The following LIMCH1 variants were observed in gnomAD, a reference collection of about 807,000 sequenced individuals.
LIMCH1 encodes the protein LIM and calponin homology domains 1.
Under a neutral mutation model 176.5 loss-of-function variants are expected in LIMCH1, and 113 were observed. The ratio of observed to expected loss-of-function variants is 0.64; its 90% CI spans 0.55 to 0.75. The LOEUF is 0.75. LIMCH1 is among the 30% of genes least tolerant of loss of function. The probability of loss-of-function intolerance (pLI) is 0.00; values close to 1 mark genes in which losing one functional copy is unlikely to be tolerated. For synonymous variants in LIMCH1, 619 were observed against 645.9 expected (o/e 0.96, Z 0.63); for missense variants, 1,674 against 1,814.9 (o/e 0.92, Z 1.41).
At chr4:41,624,087 C>T (rs1048162539) in intron 7 of LIMCH1, among the ~76,000 whole-genome samples, 3 of 152,142 alleles carry the variant, frequency 2.0e-5, no homozygotes, top group African/African-American at 4.8e-5. Context: ...AGATGCACTT[C>T]CCCTGAATTA....
chr4:41,516,012 A>T (rs979403685), intron 2 of LIMCH1, among the ~76,000 whole-genome samples: 2 of 152,230 alleles, frequency 1.3e-5, no homozygotes, highest in Admixed American at 1.3e-4. Flanking sequence ...TAGCACAATG[A>T]TGATTGCATG....
chr4:41,531,522 A>ACACACC (rs1230668145), intron 3 of LIMCH1, among the ~76,000 whole-genome samples: 17 of 145,648 alleles, frequency 1.2e-4, no homozygotes, highest in African/African-American at 4.5e-4. Context: ...ACACATACAC[A>ACACACC]CCTTATACTT....
At chr4:41,384,261 GTGGTGCGATCTCGGCT>G (rs1484305368) in intron 1 of LIMCH1, among the ~76,000 whole-genome samples, 1 of 151,904 alleles carries the variant, frequency 6.6e-6, no homozygotes, top group Admixed American at 6.6e-5. Context: ...CTGGAGTGCA[GTGGTGCGATCTCGGCT>G]CACTACAAGC....
intron 7 of LIMCH1, 134 bp downstream of exon 7, chr4:41,620,824 T>A: frequency 9.9e-7 from 1 of 1,014,360 alleles, no homozygotes; most frequent in Non-Finnish European, 1.4e-6. Flanking sequence ...TTCCCTGCTC[T>A]GAGCACGTAG....
intron 1 of LIMCH1, among the ~76,000 whole-genome samples, chr4:41,566,800 A>G (rs1006558617): frequency 2.0e-5 from 3 of 152,256 alleles, no homozygotes; most frequent in African/African-American, 7.2e-5. Context: ...AGCTGGGAAT[A>G]AACTTAAAAA....
chr4:41,611,525 C>A (rs1027168399), intron 4 of LIMCH1, among the ~76,000 whole-genome samples: 1 of 152,162 alleles, frequency 6.6e-6, no homozygotes, highest in Non-Finnish European at 1.5e-5. Context: ...CAAAGATGAT[C>A]AAATATTTTC....
intron 31 of LIMCH1, chr4:41,693,033 T>C (rs2153090701): frequency 6.6e-6 from 1 of 152,316 alleles, no homozygotes; most frequent in East Asian, 1.9e-4. Context: ...GGAAGGTGCA[T>C]GTTAGTTTGC....
At chr4:41,662,502 T>G (rs1452884055) in intron 19 of LIMCH1, among the ~76,000 whole-genome samples, 1 of 152,222 alleles carries the variant, frequency 6.6e-6, no homozygotes, top group Non-Finnish European at 1.5e-5. Context: ...CCAGCTGTCA[T>G]AATTATATAT....
At chr4:41,611,889 G>C (rs147181815) in intron 4 of LIMCH1, among the ~76,000 whole-genome samples, 3 of 152,268 alleles carry the variant, frequency 2.0e-5, no homozygotes, top group Admixed American at 2.0e-4. Context: ...AATTTTCAGT[G>C]AGTCATGAGT....
At chr4:41,532,566 A>C (rs181148046) in intron 3 of LIMCH1, among the ~76,000 whole-genome samples, 15 of 152,366 alleles carry the variant, frequency 9.8e-5, no homozygotes, top group African/African-American at 3.6e-4. Context: ...GAATACAGTG[A>C]TAAAAGTGTG....
At chr4:41,527,650 C>T (rs1239544716) in intron 3 of LIMCH1, among the ~76,000 whole-genome samples, 1 of 152,004 alleles carries the variant, frequency 6.6e-6, no homozygotes, top group Non-Finnish European at 1.5e-5. Flanking sequence ...GGTAAAACTC[C>T]GTCTCTACTA....
chr4:41,691,414 G>T (rs962597928), intron 30 of LIMCH1, among the ~76,000 whole-genome samples: 13 of 152,022 alleles, frequency 8.6e-5, no homozygotes, highest in Non-Finnish European at 1.8e-4. Flanking sequence ...CAGTGGATTT[G>T]TTGCTCTGAA....
chr4:41,692,782 G>GAATGT (rs879367250), intron 31 of LIMCH1: 5,790 of 171,456 alleles, frequency 0.034, 387 homozygotes, highest in African/African-American at 0.13. Context: ...CTCAGATCGA[G>GAATGT]CACCAACTCA....
At chr4:41,362,374 CGT>C (rs2052248941) in intron 1 of LIMCH1, among the ~76,000 whole-genome samples, 1 of 152,280 alleles carries the variant, frequency 6.6e-6, no homozygotes, top group South Asian at 2.1e-4. Context: ...AACGGTTTGG[CGT>C]GTGACAGGTG....
At position 41,661,802 on chromosome 4, in the gene LIMCH1, A is replaced by T. The variant is rs1453201634; in HGVS notation, c.3127+292A>T. ...AATATTGTGTTCTTCCATATAAATC[A>T]TGCTAAAAATTGAGGGTAGGATTTT... On this transcript the variant is annotated intron_variant, in intron 19 of 31. Coordinates refer to ENST00000503057, the MANE Select transcript of LIMCH1 (RefSeq NM_001330672.2). The T allele has an allele frequency of 1.3e-5, 5 of 391,406 alleles. No individual in the cohort carries two copies. The East Asian group carries it at 2.9e-4, about 23-fold the overall frequency. The allele number at this position is 391,406 out of a possible 1,614,324, so 24.2% of individuals were successfully genotyped here.
intron 1 of LIMCH1, among the ~76,000 whole-genome samples, chr4:41,370,793 A>G (rs2053845805): frequency 6.6e-6 from 1 of 152,234 alleles, no homozygotes; most frequent in Non-Finnish European, 1.5e-5. Context: ...GTGGTAGTGT[A>G]GGTGCTTGCA....
chr4:41,488,244 G>C (rs996354164), intron 1 of LIMCH1, among the ~76,000 whole-genome samples: 16 of 152,116 alleles, frequency 1.1e-4, no homozygotes, highest in African/African-American at 3.9e-4. Context: ...TCACTTCTTG[G>C]TGAACAAAGT....
At chr4:41,476,797 T>A (rs1443485006) in intron 1 of LIMCH1, among the ~76,000 whole-genome samples, 2 of 152,234 alleles carry the variant, frequency 1.3e-5, no homozygotes, top group Admixed American at 1.3e-4. Flanking sequence ...CAAGCTGGAT[T>A]CTTTGGGTAC....
intron 1 of LIMCH1, among the ~76,000 whole-genome samples, chr4:41,451,977 T>C (rs2063940393): frequency 6.6e-6 from 1 of 152,226 alleles, no homozygotes; most frequent in Non-Finnish European, 1.5e-5. Flanking sequence ...CTTTGCCTCC[T>C]CATAAGCCCT....
Sources: gnomAD v4.1 joint callset for allele counts (sites outside exome capture counted in the v4.1 genomes callset) on GRCh38, gnomAD v4.1.1 for gene constraint, MANE v1.5 for transcripts, NCBI Gene and HGNC (gene_info 2026-07-23, HGNC 2026-07-21) for gene names.